Variants in NPTXR observed in about 807,000 individuals in gnomAD.
The protein encoded by NPTXR is neuronal pentraxin receptor.
Under a neutral mutation model 32.2 loss-of-function variants are expected in NPTXR, and 12 were observed. That is an observed-to-expected ratio of 0.37 (90% CI 0.24 to 0.60). The LOEUF is 0.60. Ranked by LOEUF, NPTXR falls within the 20% of genes least tolerant of loss-of-function variation. The probability of loss-of-function intolerance (pLI) is 0.66; values close to 1 mark genes in which losing one functional copy is unlikely to be tolerated. For missense variants in NPTXR, 612 were observed against 682.9 expected (o/e 0.90, Z 1.16); for synonymous variants, 323 against 315.8 (o/e 1.02, Z -0.24).
At position 38,826,596 on chromosome 22, in the gene NPTXR, C is replaced by T. The variant is rs913263452; in HGVS notation, c.1002G>A (p.Gln334=). ...GCACTGAGTAGGAGAAGGGGGTGCC[C>T]TGGCCGGTGCCGCTGGACCTGGACC... Residue 334 remains glutamine (Q), a synonymous_variant, in exon 3 of 5, where the codon CAG becomes CAA. Coordinates refer to ENST00000333039, the MANE Select transcript of NPTXR (RefSeq NM_014293.4). 1 of 1,614,250 alleles carries T rather than the reference C, an allele frequency of 6.2e-7. No individual in the cohort carries two copies. The highest frequency in any genetic ancestry group is 1.7e-5 in the Admixed American group (1 of 60,036).
intron 1 of NPTXR, among the ~76,000 whole-genome samples, chr22:38,837,040 T>A (rs2093125029): frequency 6.6e-6 from 1 of 152,202 alleles, no homozygotes; most frequent in Non-Finnish European, 1.5e-5. Context: ...GATCTTGATC[T>A]CCTGACCTCG....
At chr22:38,824,355 C>T (rs1569409) in intron 3 of NPTXR, among the ~76,000 whole-genome samples, 2 of 151,776 alleles carry the variant, frequency 1.3e-5, no homozygotes, top group African/African-American at 4.8e-5. Flanking sequence ...TGTTGTGGAT[C>T]CTGGGGATGT....
chr22:38,826,459 T>C (rs762830803), intron 3 of NPTXR, 41 bp downstream of exon 3: 19 of 1,567,850 alleles, frequency 1.2e-5, no homozygotes, highest in Non-Finnish European at 1.6e-5. Context: ...TCTGGAAGGG[T>C]GGCCCTCCCC....
intron 1 of NPTXR, among the ~76,000 whole-genome samples, chr22:38,830,956 G>A (rs1408995760): frequency 6.6e-6 from 1 of 152,248 alleles, no homozygotes; most frequent in Non-Finnish European, 1.5e-5. Flanking sequence ...ACGAGGATGG[G>A]GTGGAGGCCA....
At chr22:38,827,260 CTTTTTTT>C (rs66921740) in intron 2 of NPTXR, among the ~76,000 whole-genome samples, 6 of 97,640 alleles carry the variant, frequency 6.1e-5, no homozygotes, top group African/African-American at 8.5e-5. Flanking sequence ...TTTTTTCTTT[CTTTTTTT>C]TTTTTTTTTT....
intron 1 of NPTXR, among the ~76,000 whole-genome samples, chr22:38,831,173 A>G (rs1189240952): frequency 1.3e-5 from 2 of 152,138 alleles, no homozygotes; most frequent in Non-Finnish European, 2.9e-5. Flanking sequence ...GCACTTTGGG[A>G]GGCCAAGACA....
chr22:38,829,516 G>A (rs1413039469), intron 1 of NPTXR, among the ~76,000 whole-genome samples: 3 of 152,184 alleles, frequency 2.0e-5, no homozygotes, highest in Admixed American at 2.0e-4. Flanking sequence ...ATGTCAGTAG[G>A]AGATTAATAA....
chr22:38,829,529 C>A (rs2093112925), intron 1 of NPTXR, among the ~76,000 whole-genome samples: 1 of 152,152 alleles, frequency 6.6e-6, no homozygotes, highest in South Asian at 2.1e-4. Context: ...ATTAATAATT[C>A]AATGAGCTGC....
At chr22:38,837,796 A>G (rs766073303) in intron 1 of NPTXR, among the ~76,000 whole-genome samples, 16 of 147,122 alleles carry the variant, frequency 1.1e-4, no homozygotes, top group Admixed American at 6.8e-4. Context: ...GCAAGAACCC[A>G]AGCCTGTGCC....
At chr22:38,832,512 C>T (rs531508993) in intron 1 of NPTXR, among the ~76,000 whole-genome samples, 1 of 152,348 alleles carries the variant, frequency 6.6e-6, no homozygotes, top group South Asian at 2.1e-4. Context: ...ATGTGCTGGG[C>T]TCATTAGCAC....
chr22:38,838,578 T>C (rs1264847171), intron 1 of NPTXR, among the ~76,000 whole-genome samples: 37 of 129,482 alleles, frequency 2.9e-4, no homozygotes, highest in African/African-American at 9.8e-4. Flanking sequence ...TGGCTATTTT[T>C]TTTTTTTTTT....
At position 38,826,706 on chromosome 22, in the gene NPTXR, T is replaced by C; in HGVS notation, c.892A>G (p.Ile298Val). 6.2e-7 allele frequency: 1 copy of C among 1,614,188 alleles called. No homozygotes were observed. The highest frequency in any genetic ancestry group is 8.5e-7 in the Non-Finnish European group (1 of 1,180,012). ...TACATGTAGTTGTTACGGATGGGGA[T>C]GCTGATCTTGAAGGCATCTGGAGGA... is the stretch of plus-strand genomic sequence containing the variant. The change falls in exon 3 of 5, where the codon ATC (isoleucine) becomes GTC (valine). Residue 298 changes from isoleucine (I) to valine (V), a missense_variant. Transcript: ENST00000333039.
At chr22:38,835,388 T>C (rs112837182) in intron 1 of NPTXR, among the ~76,000 whole-genome samples, 7,839 of 152,184 alleles carry the variant, frequency 0.052, 286 homozygotes, top group East Asian at 0.11. Flanking sequence ...CCTACCCAGG[T>C]GGGGAACAGG....
At chr22:38,825,596 T>C (rs1174876489) in intron 3 of NPTXR, among the ~76,000 whole-genome samples, 1 of 152,104 alleles carries the variant, frequency 6.6e-6, no homozygotes, top group Non-Finnish European at 1.5e-5. Flanking sequence ...GCTTTAGAGA[T>C]AAGCAAACTG....
In NPTXR at chr22:38,843,597, C is replaced by T; in HGVS notation, c.262G>A (p.Gly88Arg). ...CACAGGAAGCGGCTGAACAGGGGCC[C>T]GGGCGGCAGCGGGTGCGCGCTGGCC... Residue 88 changes from glycine (G) to arginine (R), a missense_variant, in exon 1 of 5, where the codon GGG becomes AGG. By Grantham distance (125) the Gly-to-Arg change is moderately radical (BLOSUM62 -2). Coordinates refer to ENST00000333039, the MANE Select transcript of NPTXR (RefSeq NM_014293.4). This position sits in a 1 kb window ranked among gnomAD's most constrained non-coding sequence, Gnocchi z 5.3. 5.1e-6 allele frequency: 6 copies of T among 1,184,892 alleles called. No individual in the cohort carries two copies. The highest frequency in any genetic ancestry group is 6.3e-6 in the Non-Finnish European group (6 of 958,544). 73.4% of individuals were successfully genotyped at this position (1,184,892 alleles called of 1,614,324 possible). A position where few individuals can be genotyped will look rare whatever the true frequency, so the allele number is the denominator to read the frequency against.
At chr22:38,836,022 A>G (rs1030036003) in intron 1 of NPTXR, among the ~76,000 whole-genome samples, 1 of 152,130 alleles carries the variant, frequency 6.6e-6, no homozygotes, top group Non-Finnish European at 1.5e-5. Flanking sequence ...GATTTACAAA[A>G]TGGCCAATAA....
At chr22:38,832,419 C>T (rs1467318211) in intron 1 of NPTXR, among the ~76,000 whole-genome samples, 3 of 152,226 alleles carry the variant, frequency 2.0e-5, no homozygotes, top group Admixed American at 1.3e-4. Flanking sequence ...TGGCCTGTCC[C>T]GCTGGGAGTC....
intron 1 of NPTXR, among the ~76,000 whole-genome samples, chr22:38,840,142 T>C (rs946357482): frequency 1.3e-5 from 2 of 152,162 alleles, no homozygotes; most frequent in Non-Finnish European, 2.9e-5. Flanking sequence ...GACCTTCCCT[T>C]CCCTTTTGTA....
chr22:38,822,251 A>T lies in NPTXR; in HGVS notation c.*358T>A. ...GCGGGCGGCCACCCCCACCACTGAG[A>T]TAGTGGGGTCCCCCTCATACACAAT... is the stretch of plus-strand genomic sequence containing the variant. On this transcript the variant is annotated 3_prime_UTR_variant, in exon 5 of 5. Coordinates refer to ENST00000333039, the MANE Select transcript of NPTXR (RefSeq NM_014293.4). The T allele has an allele frequency of 3.7e-6, 1 of 272,596 alleles. No homozygotes were observed. The highest frequency in any genetic ancestry group is 4.9e-5 in the South Asian group (1 of 20,316). 16.9% of individuals were successfully genotyped at this position (272,596 alleles called of 1,614,324 possible). A position where few individuals can be genotyped will look rare whatever the true frequency, so the allele number is the denominator to read the frequency against.
Sources: gnomAD v4.1 joint callset for allele counts (sites outside exome capture counted in the v4.1 genomes callset) on GRCh38, gnomAD v4.1.1 for gene constraint, Gnocchi (gnomAD v3.1) non-coding constraint, MANE v1.5 for transcripts, NCBI Gene and HGNC (gene_info 2026-07-23, HGNC 2026-07-21) for gene names.